SLC2A5: variants seen among roughly 807,000 people sequenced by gnomAD.
SLC2A5 encodes the protein solute carrier family 2 member 5, also known as solute carrier family 2, facilitated glucose transporter member 5.
In SLC2A5, 56 loss-of-function variants were observed where a neutral mutation model predicts 50.3. The ratio of observed to expected loss-of-function variants is 1.11; its 90% CI spans 0.90 to 1.39. The LOEUF is 1.39. Ranked by LOEUF, SLC2A5 falls within the 40% of genes most tolerant of loss-of-function variation. The probability of loss-of-function intolerance (pLI) is 0.00; values close to 1 mark genes in which losing one functional copy is unlikely to be tolerated. For missense variants in SLC2A5, 566 were observed against 650.1 expected, an observed-to-expected ratio of 0.87 and a Z score of 1.41; for synonymous variants, 269 against 281.9, an observed-to-expected ratio of 0.95 and a Z score of 0.46.
At position 9,069,626 on chromosome 1, in the gene SLC2A5, C is replaced by T; in HGVS notation, c.-90G>A. 1 of 1,479,948 alleles carries T rather than the reference C, an allele frequency of 6.8e-7. No homozygotes were observed. Among genetic ancestry groups the T allele is most frequent in the East Asian group, 2.3e-5 (1 of 44,080 alleles). The allele number at this position is 1,479,948 out of a possible 1,614,324, so 91.7% of individuals were successfully genotyped here. On this transcript the variant is annotated 5_prime_UTR_variant, in exon 1 of 12. It adds an upstream start codon to the 5' untranslated region. Transcript: ENST00000377424. ...GGAGAGAGAAGACATTCTGGGTGCA[C>T]TTTGGCCATGCCAAATAACAGCCAA... is the stretch of plus-strand genomic sequence containing the variant.
intron 2 of SLC2A5, among the ~76,000 whole-genome samples, chr1:9,077,787 G>GGGGA (rs1642309227): frequency 7.0e-6 from 1 of 143,870 alleles, no homozygotes; most frequent in Non-Finnish European, 1.5e-5. Flanking sequence ...GAAAGAAGGG[G>GGGGA]AAGAAGGAAG....
intron 4 of SLC2A5, among the ~76,000 whole-genome samples, chr1:9,047,323 T>G (rs1422092307): frequency 4.6e-5 from 7 of 152,172 alleles, no homozygotes. Flanking sequence ...TAACTGGTCA[T>G]GACCTGCAGT....
intron 1 of SLC2A5, among the ~76,000 whole-genome samples, chr1:9,060,064 T>C (rs1457745748): frequency 1.3e-4 from 11 of 82,700 alleles, no homozygotes; most frequent in East Asian, 1.1e-3. Flanking sequence ...ACACACACAA[T>C]ACACACACTA....
At chr1:9,082,652 T>C (rs1405528983) in intron 2 of SLC2A5, 2 of 176,952 alleles carry the variant, frequency 1.1e-5, no homozygotes, top group African/African-American at 2.4e-5. Context: ...ATTCCATTTA[T>C]GTGAAAGATA....
In SLC2A5 at chr1:9,039,634, A is replaced by G. The variant is rs970683909; in HGVS notation, c.914T>C (p.Leu305Pro). 1.3e-6 allele frequency: 2 copies of G among 1,561,090 alleles called. No homozygotes were observed. The highest frequency in any genetic ancestry group is 1.2e-5 in the South Asian group (1 of 84,916). ...GTGCTCCTCCGGCACGCCGGCGCTC[A>G]GGTAGATCTGGTCCGCGTAGTAGTA... ...AIYYYADQIY[L>P]SAGVPEEHVQ... The change falls in exon 8 of 12, where the codon CTG becomes CCG. Residue 305 changes from leucine to proline, a missense_variant. Transcript: ENST00000377424.
rs142241011 is a variant in SLC2A5, at chr1:9,041,843, A to G, written c.513T>C (p.Thr171=). ...AGATCTGGGCCACAAGGATGCCAAC[A>G]GTGATGAAGAGCTGGGGCACCACCC... ...ALGVVPQLFI[T]VGILVAQIFG... Residue 171 remains threonine, a synonymous_variant, in exon 5 of 12, where the codon ACT becomes ACC. Transcript: ENST00000377424. 278 of 1,613,986 alleles carry G rather than the reference A, an allele frequency of 1.7e-4. No individual in the cohort carries two copies. Among genetic ancestry groups the G allele is most frequent in the Non-Finnish European group, 1.8e-4 (217 of 1,180,032 alleles).
At chr1:9,053,093 T>TA (rs1406781202) in intron 3 of SLC2A5, among the ~76,000 whole-genome samples, 10 of 115,182 alleles carry the variant, frequency 8.7e-5, no homozygotes, top group African/African-American at 3.4e-4. Flanking sequence ...ATATATAATA[T>TA]ATATTTATAT....
In SLC2A5 at chr1:9,037,487, T is replaced by A; in HGVS notation, c.*99A>T. On this transcript the variant is annotated 3_prime_UTR_variant, in exon 12 of 12. Coordinates refer to ENST00000377424, the MANE Select transcript of SLC2A5 (RefSeq NM_003039.3). ...TGAGGACTGCATTCCACATCAGAGT[T>A]GTTTTATTTCTGGATATTCACAGAC... The A allele has an allele frequency of 2.0e-6, 2 of 983,280 alleles. No homozygotes were observed. The highest frequency in any genetic ancestry group is 1.4e-5 in the South Asian group (1 of 71,424). The allele number at this position is 983,280 out of a possible 1,614,324, so 60.9% of individuals were successfully genotyped here.
At chr1:9,065,113 G>A (rs1369389389) in intron 1 of SLC2A5, among the ~76,000 whole-genome samples, 1 of 150,824 alleles carries the variant, frequency 6.6e-6, no homozygotes, top group Non-Finnish European at 1.5e-5. Context: ...CTCTAAACCA[G>A]TGAGAATTCC....
intron 2 of SLC2A5, among the ~76,000 whole-genome samples, chr1:9,080,932 C>T (rs1416293120): frequency 1.8e-4 from 27 of 152,100 alleles, no homozygotes; most frequent in Admixed American, 1.8e-3. Context: ...TTTCAGGTTG[C>T]CAATAACCTC....
At chr1:9,046,441 T>A (rs1266298944) in intron 4 of SLC2A5, among the ~76,000 whole-genome samples, 1 of 152,172 alleles carries the variant, frequency 6.6e-6, no homozygotes, top group East Asian at 1.9e-4. Context: ...GTTTGTTAGA[T>A]GAGAGGACTC....
chr1:9,046,896 T>C (rs2457718), intron 4 of SLC2A5, among the ~76,000 whole-genome samples: 109,679 of 151,838 alleles, frequency 0.72, 40,571 homozygotes, highest in East Asian at 0.95. Flanking sequence ...GTGATTGGAT[T>C]ATAAGGGCGA....
intron 3 of SLC2A5, among the ~76,000 whole-genome samples, chr1:9,056,330 A>G (rs1641750880): frequency 1.3e-5 from 2 of 151,896 alleles, no homozygotes; most frequent in South Asian, 4.2e-4. Context: ...GGTTACAGGC[A>G]CCCACCACCA....
At position 9,054,110 on chromosome 1, in the gene SLC2A5, G is replaced by T. The variant is rs187825533; in HGVS notation, c.293+3338C>A. Among the ~76,000 whole-genome samples the T allele has an allele frequency of 4.7e-3, 721 of 152,158 alleles. 6 individuals carry two copies. The highest frequency in any genetic ancestry group is 6.4e-3 in the Non-Finnish European group (436 of 68,010). Reference sequence around the variant, plus strand: ...AAGCACCCGAGAGAGGTAAGAAGATGGGAAATATAAGAGATTCAAAGACAC... The same window carrying T: ...AAGCACCCGAGAGAGGTAAGAAGATTGGAAATATAAGAGATTCAAAGACAC... On this transcript the variant is annotated intron_variant, in intron 3 of 11. Coordinates refer to ENST00000377424, the MANE Select transcript of SLC2A5 (RefSeq NM_003039.3).
At chr1:9,063,108 G>T (rs1377974025) in intron 1 of SLC2A5, among the ~76,000 whole-genome samples, 1 of 152,178 alleles carries the variant, frequency 6.6e-6, no homozygotes, top group Non-Finnish European at 1.5e-5. Context: ...TTCTCACCCT[G>T]TGAGTTCGAC....
At chr1:9,055,472 A>G (rs939841032) in intron 3 of SLC2A5, among the ~76,000 whole-genome samples, 4 of 151,976 alleles carry the variant, frequency 2.6e-5, no homozygotes, top group Non-Finnish European at 4.4e-5. Context: ...TGCTGAGATC[A>G]CACCATTGCA....
chr1:9,060,834 G>A (rs1027102289), intron 1 of SLC2A5, among the ~76,000 whole-genome samples: 22 of 152,052 alleles, frequency 1.4e-4, no homozygotes, highest in African/African-American at 4.6e-4. Flanking sequence ...CATATTGGGC[G>A]CCCAATGTGA....
chr1:9,040,138 A>C lies in SLC2A5; in HGVS notation c.623T>G (p.Leu208Arg). Residue 208 changes from leucine (L) to arginine (R), a missense_variant, in exon 6 of 12, where the codon CTT becomes CGT. Coordinates refer to ENST00000377424, the MANE Select transcript of SLC2A5 (RefSeq NM_003039.3). The surrounding 1 kb of genome is among the most constrained non-coding windows in gnomAD (Gnocchi z 4.3). ...GCTCTCGGGGAAGAAGGGCAGCAGA[A>C]GGAGCTGCAGCGCCGCGGGGACCCC... ...LTGVPAALQL[L>R]LLPFFPESPR... 1 of 1,586,462 alleles carries C rather than the reference A, an allele frequency of 6.3e-7. No homozygotes were observed. The highest frequency in any genetic ancestry group is 8.6e-7 in the Non-Finnish European group (1 of 1,166,848).
At chr1:9,086,384 T>G (rs1490161582) in intron 1 of SLC2A5, among the ~76,000 whole-genome samples, 4 of 128,688 alleles carry the variant, frequency 3.1e-5, no homozygotes, top group South Asian at 2.5e-4. Flanking sequence ...TCTTTTTCTC[T>G]CTCTTTTTTT....
Sources: allele counts gnomAD v4.1 joint callset (sites outside exome capture counted in the v4.1 genomes callset), GRCh38; gene constraint gnomAD v4.1.1; non-coding constraint Gnocchi (gnomAD v3.1); transcripts MANE v1.5; gene names NCBI Gene and HGNC (gene_info 2026-07-23, HGNC 2026-07-21).